The following DHRSX variants were observed in gnomAD, a reference collection of about 807,000 sequenced individuals.
The protein encoded by DHRSX is polyprenol dehydrogenase.
DHRSX carries 31 observed loss-of-function variants against 34.0 expected under a neutral mutation model. That is an observed-to-expected ratio of 0.91 (90% CI 0.69 to 1.23). The LOEUF (loss-of-function observed/expected upper bound fraction) is 1.23, where lower values mean the gene tolerates loss of function less well. DHRSX is among the 50% of genes most tolerant of loss of function. The pLI is 0.00. For synonymous variants in DHRSX, 201 were observed against 183.8 expected (o/e 1.09, Z -0.76); for missense variants, 414 against 428.1 (o/e 0.97, Z 0.29).
chrX:2,331,634 G>A (rs1376434954), intron 3 of DHRSX, among the ~76,000 whole-genome samples: 1 of 151,760 alleles, frequency 6.6e-6, no homozygotes, highest in Non-Finnish European at 1.5e-5. Context: ...AGTTTTAGTA[G>A]AGATGGGGTT....
rs2015515433 is a variant in DHRSX, at chrX:2,221,331, T to C, written c.805-102A>G. The C allele has an allele frequency of 5.1e-6, 6 of 1,188,030 alleles. No homozygotes were observed. The South Asian group carries it at 9.1e-5, about 18-fold the overall frequency. 73.6% of individuals were successfully genotyped at this position (1,188,030 alleles called of 1,614,324 possible). Reference sequence around the variant, plus strand: ...TGCTGCAGGGACAGGTGGAATATACTCATCAGCTGCACTGAGAAATGTATG... The same window carrying C: ...TGCTGCAGGGACAGGTGGAATATACCCATCAGCTGCACTGAGAAATGTATG... On this transcript the variant is annotated intron_variant, in intron 6 of 6. Transcript: ENST00000334651.
intron 5 of DHRSX, among the ~76,000 whole-genome samples, chrX:2,246,729 A>AAAG (rs1412026406): frequency 1.2e-3 from 141 of 114,470 alleles, no homozygotes; most frequent in Non-Finnish European, 2.8e-3. Flanking sequence ...AGAAAGAAAG[A>AAAG]AAGAAAGAAA....
rs1282304639 is a variant in DHRSX, at chrX:2,382,783, T to C, written c.286+25962A>G. On this transcript the variant is annotated intron_variant, in intron 3 of 6. Transcript: ENST00000334651. ...ATCATCATCATCATCACCATCACCA[T>C]CATCACCATCATCATCACCATCACC... Among the ~76,000 whole-genome samples, 186 of 123,022 alleles carry C rather than the reference T, an allele frequency of 1.5e-3. 12 individuals carry two copies. In the East Asian group the frequency reaches 0.025, roughly 16 times the overall value. 80.7% of individuals were successfully genotyped at this position (123,022 alleles called of 152,430 possible). A position where few individuals can be genotyped will look rare whatever the true frequency, so the allele number is the denominator to read the frequency against.
chrX:2,309,366 A>C (rs2042137382), intron 3 of DHRSX, among the ~76,000 whole-genome samples: 2 of 152,182 alleles, frequency 1.3e-5, no homozygotes, highest in Admixed American at 6.6e-5. Flanking sequence ...ATTTGCTAGG[A>C]GGGCAGGAAT....
chrX:2,269,369 T>C (rs2041518705), intron 4 of DHRSX, among the ~76,000 whole-genome samples: 2 of 152,198 alleles, frequency 1.3e-5, no homozygotes, highest in African/African-American at 4.8e-5. Flanking sequence ...TGTATTTGTA[T>C]ATGTGCTTGT....
intron 1 of DHRSX, among the ~76,000 whole-genome samples, chrX:2,452,256 G>C (rs2044232050): frequency 6.6e-6 from 1 of 150,872 alleles, no homozygotes; most frequent in African/African-American, 2.4e-5. Context: ...CATTGAAGAC[G>C]TTCCCTAAGC....
intron 1 of DHRSX, among the ~76,000 whole-genome samples, chrX:2,456,004 G>T (rs2044291784): frequency 6.6e-6 from 1 of 151,924 alleles, no homozygotes; most frequent in Admixed American, 6.6e-5. Context: ...ACTGATCAAA[G>T]AATGGGTACC....
chrX:2,229,501 G>A (rs953886968), intron 6 of DHRSX, among the ~76,000 whole-genome samples: 4 of 152,012 alleles, frequency 2.6e-5, no homozygotes, highest in Non-Finnish European at 4.4e-5. Flanking sequence ...ATAGGTTTCG[G>A]GGCTGGATGT....
intron 2 of DHRSX, among the ~76,000 whole-genome samples, chrX:2,413,799 AC>A (rs1213582037): frequency 6.6e-6 from 1 of 152,154 alleles, no homozygotes; most frequent in African/African-American, 2.4e-5. Context: ...ATTAGGACTA[AC>A]CAAAATACAC....
intron 1 of DHRSX, among the ~76,000 whole-genome samples, chrX:2,499,111 G>A (rs138755603): frequency 6.6e-6 from 1 of 152,032 alleles, no homozygotes; most frequent in Non-Finnish European, 1.5e-5. Flanking sequence ...AAAGGGTGGC[G>A]CTGGGACCCC....
chrX:2,244,858 C>T (rs1367350634), intron 5 of DHRSX, among the ~76,000 whole-genome samples: 1 of 151,888 alleles, frequency 6.6e-6, no homozygotes, highest in Non-Finnish European at 1.5e-5. Context: ...ACTATAGGCG[C>T]CTGCCACCTG....
chrX:2,344,872 C>CATATATATAT (rs775259345), intron 3 of DHRSX, among the ~76,000 whole-genome samples: 29 of 98,346 alleles, frequency 2.9e-4, no homozygotes, highest in East Asian at 1.0e-3. Flanking sequence ...TAAAAAGAAG[C>CATATATATAT]ATATATATAT....
chrX:2,284,462 A>G (rs906935168), intron 4 of DHRSX, among the ~76,000 whole-genome samples: 2 of 152,134 alleles, frequency 1.3e-5, no homozygotes, highest in Non-Finnish European at 2.9e-5. Flanking sequence ...ACCAAAAAAC[A>G]GAGTCTTTAG....
intron 3 of DHRSX, among the ~76,000 whole-genome samples, chrX:2,302,520 G>C (rs1602901040): frequency 6.6e-6 from 1 of 152,168 alleles, no homozygotes; most frequent in African/African-American, 2.4e-5. Context: ...GCTGAGGCAG[G>C]AGAATTGCTT....
At chrX:2,337,933 T>C (rs2042589192) in intron 3 of DHRSX, 2 of 151,152 alleles carry the variant, frequency 1.3e-5, no homozygotes, top group Admixed American at 1.3e-4. Context: ...TCAGCGTTGG[T>C]TTTCCAAGTC....
chrX:2,229,673 ATGTATG>A (rs1411784777), intron 6 of DHRSX, among the ~76,000 whole-genome samples: 1 of 150,716 alleles, frequency 6.6e-6, no homozygotes, highest in African/African-American at 2.5e-5. Flanking sequence ...GTATATGTAT[ATGTATG>A]TGCACGTGCA....
chrX:2,356,855 A>G (rs1459343938), intron 3 of DHRSX, among the ~76,000 whole-genome samples: 2 of 152,226 alleles, frequency 1.3e-5, no homozygotes, highest in African/African-American at 2.4e-5. Flanking sequence ...TACATAGAAC[A>G]TAGAAAATAT....
intron 5 of DHRSX, among the ~76,000 whole-genome samples, chrX:2,265,800 C>A (rs1242099862): frequency 2.1e-3 from 146 of 69,746 alleles, no homozygotes; most frequent in Middle Eastern, 0.029. Flanking sequence ...GCACCGGTGT[C>A]CAGCAGACGC....
chrX:2,384,930 TAAA>T lies in DHRSX; in HGVS notation c.286+23812_286+23814del, dbSNP rs1157697614. On this transcript the variant is annotated intron_variant, in intron 3 of 6. Coordinates refer to ENST00000334651, the MANE Select transcript of DHRSX (RefSeq NM_145177.3). ...TATAATAATAAAAAATAAATAAATT[TAAA>T]AAAAAAAAGAAAAAAAAATATATAT... 3.7e-3 allele frequency among the ~76,000 whole-genome samples: 514 copies of T among 139,766 alleles called. 4 individuals carry two copies. The highest frequency in any genetic ancestry group is 0.01 in the African/African-American group (396 of 38,444). The allele number at this position is 139,766 out of a possible 152,430, so 91.7% of individuals were successfully genotyped here.
Sources: allele counts gnomAD v4.1 joint callset (sites outside exome capture counted in the v4.1 genomes callset), GRCh38; gene constraint gnomAD v4.1.1; transcripts MANE v1.5; gene names NCBI Gene and HGNC (gene_info 2026-07-23, HGNC 2026-07-21).